The following PCP4L1 variants were observed in gnomAD, a reference collection of about 807,000 sequenced individuals.
PCP4L1 encodes Purkinje cell protein 4 like 1.
Under a neutral mutation model 9.6 loss-of-function variants are expected in PCP4L1, and 9 were observed. The ratio of observed to expected loss-of-function variants is 0.94; its 90% CI spans 0.57 to 1.64. PCP4L1 has a LOEUF of 1.64. PCP4L1 is among the 40% of genes most tolerant of loss of function. PCP4L1 has a pLI of 0.00. For missense variants in PCP4L1, 81 were observed against 80.8 expected, an observed-to-expected ratio of 1.00 and a Z score of -0.01; for synonymous variants, 31 against 28.2, an observed-to-expected ratio of 1.10 and a Z score of -0.31.
At chr1:161,283,894 A>AT (rs66526557) in intron 2 of PCP4L1, among the ~76,000 whole-genome samples, 172 bp downstream of exon 2, 1 of 152,004 alleles carries the variant, frequency 6.6e-6, no homozygotes, top group Non-Finnish European at 1.5e-5. Context: ...GCTTCCTTCT[A>AT]TTTTTCCTAG....
chr1:161,267,563 G>A (rs1669550732), intron 1 of PCP4L1, among the ~76,000 whole-genome samples: 1 of 152,210 alleles, frequency 6.6e-6, no homozygotes, highest in South Asian at 2.1e-4. Flanking sequence ...AGCCACAAAG[G>A]AAGGAGGAAA....
chr1:161,276,239 G>T (rs1446599746), intron 1 of PCP4L1, among the ~76,000 whole-genome samples: 1 of 152,144 alleles, frequency 6.6e-6, no homozygotes, highest in Non-Finnish European at 1.5e-5. Context: ...GGATTATGGG[G>T]AGAGAAAGAG....
chr1:161,266,333 A>G (rs771782698), intron 1 of PCP4L1, among the ~76,000 whole-genome samples: 1 of 152,204 alleles, frequency 6.6e-6, no homozygotes, highest in Non-Finnish European at 1.5e-5. Context: ...GGTGGGATGC[A>G]CATTGAAGAT....
chr1:161,277,715 T>G (rs1669721993), intron 1 of PCP4L1, among the ~76,000 whole-genome samples: 1 of 152,168 alleles, frequency 6.6e-6, no homozygotes, highest in Admixed American at 6.5e-5. Flanking sequence ...CTTGGACCCC[T>G]GGGCTTAGGT....
Position 161,284,564 on chromosome 1 carries a change from TC to T in PCP4L1, c.*86del. 6.5e-7 allele frequency: 1 copy of T among 1,535,414 alleles called. No individual in the cohort carries two copies. The highest frequency in any genetic ancestry group is 8.8e-7 in the Non-Finnish European group (1 of 1,136,512). On this transcript the variant is annotated 3_prime_UTR_variant, in exon 3 of 3. Transcript: ENST00000504449. Reference sequence around the variant, plus strand: ...CACACCCATGTATCTTTATCCCTTGTCCCTCTAGCCTTTCCTTGAGGCAAGT... The same window carrying T: ...CACACCCATGTATCTTTATCCCTTGTCCTCTAGCCTTTCCTTGAGGCAAGT...
rs947520834 is a variant in PCP4L1 at position 161,258,847 on chromosome 1, T to C, written c.-128T>C. 1 of 1,389,590 alleles carries C rather than the reference T, an allele frequency of 7.2e-7. No homozygotes were observed. Among genetic ancestry groups the C allele is most frequent in the African/African-American group, 1.4e-5 (1 of 69,432 alleles). The allele number at this position is 1,389,590 out of a possible 1,614,324, so 86.1% of individuals were successfully genotyped here. A position where few individuals can be genotyped will look rare whatever the true frequency, so the allele number is the denominator to read the frequency against. On this transcript the variant is annotated 5_prime_UTR_variant, in exon 1 of 3. Coordinates refer to ENST00000504449, the MANE Select transcript of PCP4L1 (RefSeq NM_001102566.2). ...GAGCAGCGGCTCTCCGCACTAACTC[T>C]CCTCTCCTGGTCAGCTGTAACCCCT...
At chr1:161,270,557 A>G (rs1294968712) in intron 1 of PCP4L1, among the ~76,000 whole-genome samples, 1 of 87,542 alleles carries the variant, frequency 1.1e-5, no homozygotes, top group Non-Finnish European at 2.1e-5. Flanking sequence ...CTTATAAAAG[A>G]GACCCCAGGC....
At chr1:161,281,563 G>A (rs911869786) in intron 1 of PCP4L1, among the ~76,000 whole-genome samples, 1 of 150,034 alleles carries the variant, frequency 6.7e-6, no homozygotes, top group Non-Finnish European at 1.5e-5. Context: ...GGCGGGGGCT[G>A]ATCCCCACCT....
In PCP4L1 at chr1:161,258,861, G is replaced by A; in HGVS notation, c.-114G>A. 2 of 1,461,804 alleles carry A rather than the reference G, an allele frequency of 1.4e-6. No individual in the cohort carries two copies. Among genetic ancestry groups the A allele is most frequent in the Non-Finnish European group, 1.9e-6 (2 of 1,079,984 alleles). 90.6% of individuals were successfully genotyped at this position (1,461,804 alleles called of 1,614,324 possible). A position where few individuals can be genotyped will look rare whatever the true frequency, so the allele number is the denominator to read the frequency against. On this transcript the variant is annotated 5_prime_UTR_variant, in exon 1 of 3. Transcript: ENST00000504449. ...CGCACTAACTCTCCTCTCCTGGTCA[G>A]CTGTAACCCCTGCCGCAGAGCCCGG...
chr1:161,265,567 T>A (rs1054230642), intron 1 of PCP4L1, among the ~76,000 whole-genome samples: 11 of 151,840 alleles, frequency 7.2e-5, no homozygotes, highest in Admixed American at 3.3e-4. Context: ...ATGAGAAGAA[T>A]GCATTAGGCT....
At chr1:161,270,174 G>T (rs1669599184) in intron 1 of PCP4L1, among the ~76,000 whole-genome samples, 1 of 151,870 alleles carries the variant, frequency 6.6e-6, no homozygotes, top group Admixed American at 6.6e-5. Flanking sequence ...GTGCATGCCT[G>T]TAATCCCGGC....
rs934072231 is a variant in PCP4L1 at position 161,280,744 on chromosome 1, G to A, written c.10-2924G>A. 2.6e-5 allele frequency among the ~76,000 whole-genome samples: 4 copies of A among 152,196 alleles called. No homozygotes were observed. The South Asian group carries it at 6.2e-4, about 24-fold the overall frequency. ...CTACTCCCTGAAATATTTTCTTCAC[G>A]TGGCTTCCACATTACTGTAATCTCT... On this transcript the variant is annotated intron_variant, in intron 1 of 2. Transcript: ENST00000504449.
rs1174707690 is a variant in PCP4L1, at chr1:161,284,717, G to A, written c.*236G>A. 2 of 571,926 alleles carry A rather than the reference G, an allele frequency of 3.5e-6. No homozygotes were observed. Among genetic ancestry groups the A allele is most frequent in the Non-Finnish European group, 6.2e-6 (2 of 325,114 alleles). The allele number at this position is 571,926 out of a possible 1,614,324, so 35.4% of individuals were successfully genotyped here. A position where few individuals can be genotyped will look rare whatever the true frequency, so the allele number is the denominator to read the frequency against. On this transcript the variant is annotated 3_prime_UTR_variant, in exon 3 of 3. Coordinates refer to ENST00000504449, the MANE Select transcript of PCP4L1 (RefSeq NM_001102566.2). ...TCTAAGGGTGGAACAATTTCTTCTTGGTATAAGGTTCTTTGATCAGTAGCT... is the reference window on the plus strand; with the variant it reads ...TCTAAGGGTGGAACAATTTCTTCTTAGTATAAGGTTCTTTGATCAGTAGCT...
rs2102235768 is a variant in PCP4L1 at position 161,271,426 on chromosome 1, A to T, written c.10-12242A>T. Among the ~76,000 whole-genome samples the T allele has an allele frequency of 2.6e-5, 4 of 152,284 alleles. No homozygotes were observed. The Middle Eastern group carries it at 0.014, about 518-fold the overall frequency. ...TTATAGAGATTTAAAAGTTCTTTCA[A>T]TACTTATTCTGGATGCAAGCCTTTT... On this transcript the variant is annotated intron_variant, in intron 1 of 2. Coordinates refer to ENST00000504449, the MANE Select transcript of PCP4L1 (RefSeq NM_001102566.2).
At chr1:161,264,071 G>A (rs989307338) in intron 1 of PCP4L1, among the ~76,000 whole-genome samples, 3 of 151,388 alleles carry the variant, frequency 2.0e-5, no homozygotes, top group Non-Finnish European at 2.9e-5. Context: ...CACCAGGCCC[G>A]GGTAATTTTT....
rs182475541 is a variant in PCP4L1, at chr1:161,269,779, G to C, written c.9+10796G>C. 9.9e-5 allele frequency among the ~76,000 whole-genome samples: 15 copies of C among 152,256 alleles called. No individual in the cohort carries two copies. The East Asian group carries it at 2.9e-3, about 29-fold the overall frequency. On this transcript the variant is annotated intron_variant, in intron 1 of 2. Coordinates refer to ENST00000504449, the MANE Select transcript of PCP4L1 (RefSeq NM_001102566.2). ...TTTGGGAGGCCGAGGCAGGAGTACT[G>C]CCTGAGTCCAGGAGTTTGAGACCAG...
intron 1 of PCP4L1, among the ~76,000 whole-genome samples, chr1:161,268,975 A>G (rs1224740750): frequency 6.6e-6 from 1 of 152,254 alleles, no homozygotes; most frequent in African/African-American, 2.4e-5. Flanking sequence ...ACAGATAGTC[A>G]ATGCAGATCC....
chr1:161,280,830 C>G (rs574403296), intron 1 of PCP4L1, among the ~76,000 whole-genome samples: 2 of 151,594 alleles, frequency 1.3e-5, no homozygotes, highest in South Asian at 4.2e-4. Context: ...TTCTACAATT[C>G]TTTTTTTTTA....
intron 1 of PCP4L1, among the ~76,000 whole-genome samples, chr1:161,283,404 T>C (rs1451010282): frequency 1.3e-5 from 2 of 152,244 alleles, no homozygotes; most frequent in African/African-American, 2.4e-5. Context: ...TATTTGTCTC[T>C]ATATACACTG....
Sources: gnomAD v4.1 joint callset for allele counts (sites outside exome capture counted in the v4.1 genomes callset) on GRCh38, gnomAD v4.1.1 for gene constraint, MANE v1.5 for transcripts, NCBI Gene and HGNC (gene_info 2026-07-23, HGNC 2026-07-21) for gene names.